The following MRTFB variants were observed in gnomAD, a reference collection of about 807,000 sequenced individuals.
MRTFB encodes myocardin related transcription factor B, also known as myocardin-related transcription factor B.
In MRTFB, 29 loss-of-function variants were observed where a neutral mutation model predicts 104.2. The ratio of observed to expected loss-of-function variants is 0.28; its 90% CI spans 0.21 to 0.38. The LOEUF is 0.38. Among genes scored for constraint, MRTFB ranks in the 10% least tolerant of loss-of-function variants. The pLI is 1.00. For missense variants in MRTFB, 1,270 were observed against 1,341.6 expected (o/e 0.95, Z 0.83); for synonymous variants, 535 against 519.5 (o/e 1.03, Z -0.41).
the MRTFB span, among the ~76,000 whole-genome samples, chr16:14,042,760 G>A: frequency 3.3e-5 from 5 of 152,168 alleles, no homozygotes; most frequent in Non-Finnish European, 7.3e-5. Flanking sequence ...AACAAGGGGG[G>A]AATCTACAGA....
At chr16:14,088,476 A>G (rs2141942958) in intron 2 of MRTFB, among the ~76,000 whole-genome samples, 1 of 152,280 alleles carries the variant, frequency 6.6e-6, no homozygotes, top group Admixed American at 6.5e-5. Context: ...TGGTGTTAGA[A>G]TGCTCGAAAG....
chr16:14,149,404 C>G (rs1354888413), intron 3 of MRTFB: 1 of 152,198 alleles, frequency 6.6e-6, no homozygotes, highest in Admixed American at 6.5e-5. Context: ...ACAAGTGTTA[C>G]AGTTGGTCAG....
the MRTFB span, among the ~76,000 whole-genome samples, chr16:14,024,565 C>T: frequency 0.023 from 3,504 of 152,180 alleles, 147 homozygotes; most frequent in African/African-American, 0.081. Context: ...TCAGAAAATG[C>T]CTTAGAATTG....
At chr16:14,221,506 T>C (rs1430772257) in intron 8 of MRTFB, among the ~76,000 whole-genome samples, 1 of 152,190 alleles carries the variant, frequency 6.6e-6, no homozygotes, top group Non-Finnish European at 1.5e-5. Context: ...TTGGAGACTC[T>C]CTCTGCAGTC....
At chr16:14,051,414 C>T in the MRTFB span, among the ~76,000 whole-genome samples, 2 of 151,942 alleles carry the variant, frequency 1.3e-5, no homozygotes, top group Non-Finnish European at 2.9e-5. Context: ...GAGAGACATA[C>T]AGATGCACTC....
At chr16:14,059,225 T>G in the MRTFB span, among the ~76,000 whole-genome samples, 1 of 152,120 alleles carries the variant, frequency 6.6e-6, no homozygotes, top group African/African-American at 2.4e-5. Flanking sequence ...CTTTGTGTTG[T>G]AAATATTCAA....
the MRTFB span, among the ~76,000 whole-genome samples, chr16:14,053,329 TAGAC>T: frequency 6.6e-6 from 1 of 152,118 alleles, no homozygotes; most frequent in African/African-American, 2.4e-5. Context: ...ATTCATTTGT[TAGAC>T]AGTTAGGTGG....
chr16:14,240,638 T>C (rs2042725866), intron 10 of MRTFB, 154 bp downstream of exon 10: 1 of 1,290,440 alleles, frequency 7.7e-7, no homozygotes, highest in Non-Finnish European at 1.1e-6. Context: ...GTGTCTGAAG[T>C]CCACATGGTG....
At chr16:14,168,788 A>G (rs2039331299) in intron 3 of MRTFB, among the ~76,000 whole-genome samples, 1 of 152,200 alleles carries the variant, frequency 6.6e-6, no homozygotes, top group Non-Finnish European at 1.5e-5. Context: ...GCCCTTTTCA[A>G]AAGTGGCTGC....
intron 3 of MRTFB, among the ~76,000 whole-genome samples, chr16:14,164,630 G>C (rs1039125186): frequency 5.9e-5 from 9 of 152,246 alleles, no homozygotes; most frequent in Admixed American, 4.6e-4. Flanking sequence ...TTTATTAGTG[G>C]CTTCACATGT....
At position 14,240,553 on chromosome 16, in the gene MRTFB, C is replaced by G. The variant is rs751679294; in HGVS notation, c.1079+69C>G. ...GTTTTTTATGAGGAACTATAAGTTA[C>G]CAAAAGTTGAATGTTGTCATTTATT... On this transcript the variant is annotated intron_variant, in intron 10 of 16. Transcript: ENST00000571589. 6.2e-6 allele frequency: 10 copies of G among 1,609,412 alleles called. No homozygotes were observed. The East Asian group carries it at 2.2e-4, about 36-fold the overall frequency.
intron 3 of MRTFB, among the ~76,000 whole-genome samples, chr16:14,162,172 A>G (rs2039066396): frequency 6.7e-6 from 1 of 149,902 alleles, no homozygotes. Flanking sequence ...AAAAAAAAAA[A>G]AATTATTTTT....
chr16:14,062,520 T>A, the MRTFB span, among the ~76,000 whole-genome samples: 88 of 152,234 alleles, frequency 5.8e-4, no homozygotes, highest in Non-Finnish European at 1.0e-3. Flanking sequence ...TGGGCTGGCT[T>A]CCTGGGTTCT....
the MRTFB span, among the ~76,000 whole-genome samples, chr16:14,018,063 C>G: frequency 6.6e-6 from 1 of 151,938 alleles, no homozygotes; most frequent in Non-Finnish European, 1.5e-5. Flanking sequence ...CCAAGAAAAA[C>G]ACACTCTTGT....
At chr16:14,195,536 T>C (rs565376062) in intron 3 of MRTFB, 5 of 985,324 alleles carry the variant, frequency 5.1e-6, no homozygotes, top group Admixed American at 1.2e-4. Flanking sequence ...ACCGAGATAC[T>C]GAGTCTGGAT....
chr16:14,189,318 G>C (rs1335288944), intron 3 of MRTFB, among the ~76,000 whole-genome samples: 1 of 152,192 alleles, frequency 6.6e-6, no homozygotes, highest in Non-Finnish European at 1.5e-5. Flanking sequence ...ACAGTGTTTA[G>C]CTCATCAGAT....
rs1362738043 is a variant in MRTFB, at chr16:14,196,758, C to T, written c.155-13485C>T. 2.0e-5 allele frequency among the ~76,000 whole-genome samples: 3 copies of T among 152,186 alleles called. No individual in the cohort carries two copies. The East Asian group carries it at 5.8e-4, about 29-fold the overall frequency. ...GACAGGAAGTGCTGGTGGAAGTTTG[C>T]TTACCCAGTGCAGATAGCACAGCTT... On this transcript the variant is annotated intron_variant, in intron 3 of 16. Coordinates refer to ENST00000571589, the MANE Select transcript of MRTFB (RefSeq NM_001308142.2).
chr16:14,208,819 T>G (rs942263461), intron 3 of MRTFB, among the ~76,000 whole-genome samples: 2 of 152,204 alleles, frequency 1.3e-5, no homozygotes, highest in African/African-American at 4.8e-5. Flanking sequence ...CACAATTGAT[T>G]GAAAGTATCA....
intron 3 of MRTFB, among the ~76,000 whole-genome samples, chr16:14,176,504 A>G (rs1420798800): frequency 6.6e-6 from 1 of 152,232 alleles, no homozygotes; most frequent in Non-Finnish European, 1.5e-5. Flanking sequence ...CCCAAGAATG[A>G]CATAGCAAAT....
Sources: gnomAD v4.1 joint callset for allele counts (sites outside exome capture counted in the v4.1 genomes callset) on GRCh38, gnomAD v4.1.1 for gene constraint, MANE v1.5 for transcripts, NCBI Gene and HGNC (gene_info 2026-07-23, HGNC 2026-07-21) for gene names.